Variants in B3GALNT2 observed in about 807,000 individuals in gnomAD.
B3GALNT2 encodes beta-1,3-N-acetylgalactosaminyltransferase 2, also known as UDP-GalNAc:beta-1,3-N-acetylgalactosaminyltransferase 2.
A neutral mutation model predicts 61.1 loss-of-function variants in B3GALNT2; 53 were observed. The ratio of observed to expected loss-of-function variants is 0.87; its 90% CI spans 0.70 to 1.09. The LOEUF (loss-of-function observed/expected upper bound fraction) is 1.09. Among genes scored for constraint, B3GALNT2 ranks in the 50% least tolerant of loss-of-function variants. The pLI, the probability that B3GALNT2 is intolerant of heterozygous loss-of-function variation, is 0.00. For missense variants in B3GALNT2, 544 were observed against 623.0 expected (o/e 0.87, Z 1.35); for synonymous variants, 223 against 237.4 (o/e 0.94, Z 0.56).
chr1:235,442,008 A>ATC, the B3GALNT2 span: 2 of 596,202 alleles, frequency 3.4e-6, no homozygotes, highest in Non-Finnish European at 2.8e-6. Flanking sequence ...TTAAATGAAA[A>ATC]TTTTTTTTTT....
At chr1:235,440,040 C>G in the B3GALNT2 span, among the ~76,000 whole-genome samples, 22 of 151,648 alleles carry the variant, frequency 1.5e-4, no homozygotes, top group South Asian at 1.0e-3. Context: ...CCGCGATCTC[C>G]GCTCACTGCA....
At chr1:235,487,917 C>T (rs1309708562) in intron 3 of B3GALNT2, among the ~76,000 whole-genome samples, 3 of 151,954 alleles carry the variant, frequency 2.0e-5, no homozygotes, top group Admixed American at 2.0e-4. Context: ...GCCTCCCAAG[C>T]AGCTGGAACT....
intron 5 of B3GALNT2, 168 bp downstream of exon 5, chr1:235,479,886 T>C (rs1273169184): frequency 1.1e-5 from 13 of 1,208,894 alleles, no homozygotes; most frequent in Middle Eastern, 2.3e-4. Context: ...CTCAGGAGGT[T>C]TGAATACAGA....
At chr1:235,463,031 T>C (rs1367054077) in intron 7 of B3GALNT2, among the ~76,000 whole-genome samples, 1 of 152,202 alleles carries the variant, frequency 6.6e-6, no homozygotes, top group East Asian at 1.9e-4. Flanking sequence ...ATATATACCA[T>C]GGAGTACTAC....
intron 3 of B3GALNT2, 93 bp downstream of exon 3, chr1:235,489,075 T>C: frequency 7.1e-7 from 1 of 1,417,926 alleles, no homozygotes; most frequent in South Asian, 1.6e-5. Context: ...AATAAAATAA[T>C]AAAAAATAAA....
intron 8 of B3GALNT2, among the ~76,000 whole-genome samples, chr1:235,457,706 C>T (rs983956269): frequency 6.6e-6 from 1 of 151,916 alleles, no homozygotes; most frequent in South Asian, 2.1e-4. Context: ...GGAGTAGAGA[C>T]TGGAAGTATA....
chr1:235,497,255 T>C (rs546218466), intron 1 of B3GALNT2, among the ~76,000 whole-genome samples: 10 of 152,306 alleles, frequency 6.6e-5, no homozygotes, highest in Middle Eastern at 6.8e-3. Flanking sequence ...CAGAGAAATA[T>C]GTACATTCTA....
At chr1:235,480,941 A>C (rs1473991830) in intron 4 of B3GALNT2, among the ~76,000 whole-genome samples, 7 of 136,778 alleles carry the variant, frequency 5.1e-5, no homozygotes, top group Non-Finnish European at 9.4e-5. Context: ...AAAAAAAAAA[A>C]AAAACCGGAC....
At chr1:235,459,463 A>G (rs955638146) in intron 7 of B3GALNT2, among the ~76,000 whole-genome samples, 1 of 152,126 alleles carries the variant, frequency 6.6e-6, no homozygotes, top group Non-Finnish European at 1.5e-5. Flanking sequence ...TCTCTAAATA[A>G]AATTTAAAAA....
rs1307101737 is a variant in B3GALNT2 at position 235,449,132 on chromosome 1, T to G, written c.*1074A>C. 3.2e-5 allele frequency: 9 copies of G among 277,702 alleles called. No individual in the cohort carries two copies. Among genetic ancestry groups the G allele is most frequent in the Middle Eastern group, 1.4e-3 (1 of 732 alleles). The allele number at this position is 277,702 out of a possible 1,614,324, so 17.2% of individuals were successfully genotyped here. Reference sequence around the variant, plus strand: ...TAATGGAATTCTCTATTGAAACTACTATTTTAAAGGGTTACTAGAAATGAT... The same window carrying G: ...TAATGGAATTCTCTATTGAAACTACGATTTTAAAGGGTTACTAGAAATGAT... On this transcript the variant is annotated 3_prime_UTR_variant, in exon 12 of 12. Coordinates refer to ENST00000366600, the MANE Select transcript of B3GALNT2 (RefSeq NM_152490.5).
intron 5 of B3GALNT2, among the ~76,000 whole-genome samples, chr1:235,472,590 A>G (rs529775903): frequency 6.6e-6 from 1 of 152,352 alleles, no homozygotes; most frequent in South Asian, 2.1e-4. Flanking sequence ...AACAGGAAGG[A>G]GCTTGCCTGA....
chr1:235,467,385 T>C (rs1171550994), intron 6 of B3GALNT2, among the ~76,000 whole-genome samples: 1 of 151,444 alleles, frequency 6.6e-6, no homozygotes, highest in African/African-American at 2.4e-5. Context: ...TAAAAGTTCG[T>C]AGCCAAATGT....
At position 235,470,964 on chromosome 1, in the gene B3GALNT2, T is replaced by C. The variant is rs1683974448; in HGVS notation, c.652-4A>G. The C allele has an allele frequency of 6.2e-7, 1 of 1,613,468 alleles. No homozygotes were observed. Among genetic ancestry groups the C allele is most frequent in the East Asian group, 2.2e-5 (1 of 44,876 alleles). ...ACACGATTGTACCTTCAAAGCTCTTTTGTAGAAAGATGAATAGTGAGTCAA... is the reference window on the plus strand; with the variant it reads ...ACACGATTGTACCTTCAAAGCTCTTCTGTAGAAAGATGAATAGTGAGTCAA... On this transcript the variant is annotated splice_region_variant and splice_polypyrimidine_tract_variant and intron_variant, in intron 5 of 11. Transcript: ENST00000366600.
chr1:235,491,084 TAAAAAA>T (rs34246434), intron 2 of B3GALNT2, among the ~76,000 whole-genome samples: 1 of 138,928 alleles, frequency 7.2e-6, no homozygotes, highest in African/African-American at 2.7e-5. Context: ...AGTGAATAGT[TAAAAAA>T]AAAAAAAAAA....
At chr1:235,491,258 C>T (rs997190399) in intron 2 of B3GALNT2, among the ~76,000 whole-genome samples, 4 of 152,182 alleles carry the variant, frequency 2.6e-5, no homozygotes, top group African/African-American at 9.7e-5. Context: ...CAACTACACT[C>T]TTTTGTTAAC....
At chr1:235,476,392 C>A (rs1449280508) in intron 5 of B3GALNT2, among the ~76,000 whole-genome samples, 5 of 151,992 alleles carry the variant, frequency 3.3e-5, no homozygotes, top group Admixed American at 3.3e-4. Flanking sequence ...GCCTGGGTGA[C>A]AGAGCGAGAC....
chr1:235,448,636 A>T lies in B3GALNT2; in HGVS notation c.*1570T>A. ...AGCATGCTTTATCGGATCTGTCTTAATCACATCCTTCCCCACCTTCGTTCT... is the reference window on the plus strand; with the variant it reads ...AGCATGCTTTATCGGATCTGTCTTATTCACATCCTTCCCCACCTTCGTTCT... On this transcript the variant is annotated 3_prime_UTR_variant, in exon 12 of 12. Coordinates refer to ENST00000366600, the MANE Select transcript of B3GALNT2 (RefSeq NM_152490.5). The T allele has an allele frequency of 6.4e-7, 1 of 1,567,810 alleles. No homozygotes were observed. The highest frequency in any genetic ancestry group is 8.8e-7 in the Non-Finnish European group (1 of 1,138,306).
intron 1 of B3GALNT2, among the ~76,000 whole-genome samples, chr1:235,502,976 A>G (rs1179290194): frequency 6.6e-6 from 1 of 152,266 alleles, no homozygotes; most frequent in Non-Finnish European, 1.5e-5. Context: ...TCACTTAAAT[A>G]GTGTTTAATT....
intron 1 of B3GALNT2, among the ~76,000 whole-genome samples, chr1:235,495,550 A>AAT (rs1280359460): frequency 6.6e-6 from 1 of 151,592 alleles, no homozygotes; most frequent in African/African-American, 2.4e-5. Context: ...AAAAAAAAAA[A>AAT]AATAATAATA....
Sources: gnomAD v4.1 joint callset for allele counts (sites outside exome capture counted in the v4.1 genomes callset) on GRCh38, gnomAD v4.1.1 for gene constraint, MANE v1.5 for transcripts, NCBI Gene and HGNC (gene_info 2026-07-23, HGNC 2026-07-21) for gene names.